The following FMN2 variants were observed in gnomAD, a reference collection of about 807,000 sequenced individuals.
FMN2 encodes the protein formin 2.
In FMN2, 51 loss-of-function variants were observed where a neutral mutation model predicts 142.3. The ratio of observed to expected loss-of-function variants is 0.36; its 90% CI spans 0.29 to 0.45. The LOEUF (loss-of-function observed/expected upper bound fraction) is 0.45, where lower values mean the gene tolerates loss of function less well. Among genes scored for constraint, FMN2 ranks in the 20% least tolerant of loss-of-function variants. FMN2 has a pLI of 1.00. For missense variants in FMN2, 1,936 were observed against 2,122.8 expected (o/e 0.91, Z 1.73); for synonymous variants, 882 against 869.8 (o/e 1.01, Z -0.25).
intron 16 of FMN2, among the ~76,000 whole-genome samples, chr1:240,439,465 A>G (rs186755996): frequency 2.6e-5 from 4 of 152,276 alleles, no homozygotes; most frequent in East Asian, 3.9e-4. Context: ...GGTTACATTT[A>G]TAGAGCCTGT....
At chr1:240,278,112 A>G (rs1229708596) in intron 7 of FMN2, among the ~76,000 whole-genome samples, 1 of 152,210 alleles carries the variant, frequency 6.6e-6, no homozygotes, top group Non-Finnish European at 1.5e-5. Context: ...CACTGTGCAT[A>G]TATTAATGCT....
At chr1:240,373,279 G>T (rs1401019358) in intron 14 of FMN2, among the ~76,000 whole-genome samples, 3 of 152,138 alleles carry the variant, frequency 2.0e-5, no homozygotes, top group African/African-American at 4.8e-5. Context: ...ACAGCTGCTC[G>T]CTGACAGGTC....
At chr1:240,107,752 C>G (rs571241814) in intron 1 of FMN2, among the ~76,000 whole-genome samples, 1 of 151,000 alleles carries the variant, frequency 6.6e-6, no homozygotes, top group South Asian at 2.1e-4. Context: ...CTCTCTTCCC[C>G]AGGAAAAAAA....
At chr1:240,105,404 C>T (rs531735743) in intron 1 of FMN2, among the ~76,000 whole-genome samples, 4 of 152,124 alleles carry the variant, frequency 2.6e-5, no homozygotes, top group East Asian at 1.9e-4. Context: ...CCACTGCACC[C>T]GGCCTCCATA....
At chr1:240,312,484 A>G (rs980010131) in intron 8 of FMN2, among the ~76,000 whole-genome samples, 2 of 152,154 alleles carry the variant, frequency 1.3e-5, no homozygotes, top group Non-Finnish European at 2.9e-5. Context: ...CTCTGATCTG[A>G]TGAAAGTTCT....
At chr1:240,397,584 T>C (rs1341535676) in intron 15 of FMN2, among the ~76,000 whole-genome samples, 3 of 151,902 alleles carry the variant, frequency 2.0e-5, no homozygotes, top group Non-Finnish European at 4.4e-5. Flanking sequence ...GAGACCAGCC[T>C]GGTCAACCAG....
chr1:240,137,382 A>G (rs1662987615), intron 2 of FMN2, among the ~76,000 whole-genome samples: 1 of 152,144 alleles, frequency 6.6e-6, no homozygotes, highest in African/African-American at 2.4e-5. Flanking sequence ...TGTGGTGTAA[A>G]AGCAGCCACG....
In FMN2 at chr1:240,419,348, C is replaced by T. The variant is rs1191450252; in HGVS notation, c.4911-18713C>T. Among the ~76,000 whole-genome samples the T allele has an allele frequency of 2.6e-5, 4 of 152,122 alleles. 1 individual carries two copies. The highest frequency in any genetic ancestry group is 6.8e-3 in the Middle Eastern group (2 of 294). On this transcript the variant is annotated intron_variant, in intron 15 of 17. Transcript: ENST00000319653. ...ATGTTAATATTGGTACATATCAGCT[C>T]TTTTTGGTTCGCATTTGTCATAGCA...
rs538866204 is a variant in FMN2 at position 240,336,880 on chromosome 1, A to AT, written c.4765+2661dup. Among the ~76,000 whole-genome samples the AT allele has an allele frequency of 7.3e-3, 1,083 of 148,760 alleles. 7 individuals carry two copies. The highest frequency in any genetic ancestry group is 0.022 in the African/African-American group (883 of 40,630). On this transcript the variant is annotated intron_variant, in intron 13 of 17. Transcript: ENST00000319653. ...AAACTGACAAATCATAATTTACCTC[A>AT]TTTTTTTTTTGCTTTTCTCAATTTG...
Position 240,329,449 on chromosome 1 carries a change from T to C in FMN2, c.4418T>C (p.Leu1473Ser), listed in dbSNP as rs564436397. ...TGCTCAATTCGTCGCAAACTGGAATTACTACAGAAATTGTGTGAGGTGAGT... is the reference window on the plus strand; with the variant it reads ...TGCTCAATTCGTCGCAAACTGGAATCACTACAGAAATTGTGTGAGGTGAGT... ...SICSIRRKLE[L>S]LQKLCETLKN... The change falls in exon 10 of 18, where the codon TTA becomes TCA. Residue 1473 changes from leucine (L) to serine (S), a missense_variant. Leu to Ser is a moderately radical substitution (Grantham distance 145). This residue lies in a region of FMN2 where 322 missense variants were observed against 401.6 expected (regional missense o/e 0.80). Transcript: ENST00000319653. 4.3e-6 allele frequency: 7 copies of C among 1,614,002 alleles called. No individual in the cohort carries two copies. The African/African-American group carries it at 6.7e-5, about 15-fold the overall frequency.
At chr1:240,125,415 A>C (rs1450986787) in intron 2 of FMN2, among the ~76,000 whole-genome samples, 1 of 152,178 alleles carries the variant, frequency 6.6e-6, no homozygotes, top group Non-Finnish European at 1.5e-5. Flanking sequence ...TATAACTTAA[A>C]TGTTTTCCTC....
intron 11 of FMN2, among the ~76,000 whole-genome samples, chr1:240,331,005 C>T: frequency 6.6e-6 from 1 of 151,964 alleles, no homozygotes; most frequent in East Asian, 1.9e-4. Context: ...TACAAAATAA[C>T]TTTTTATATT....
intron 16 of FMN2, among the ~76,000 whole-genome samples, chr1:240,465,674 C>T (rs1676594780): frequency 6.6e-6 from 1 of 152,078 alleles, no homozygotes; most frequent in South Asian, 2.1e-4. Context: ...GAAATGAAAC[C>T]GTCTGCCACA....
intron 2 of FMN2, chr1:240,170,721 G>C: frequency 6.5e-7 from 1 of 1,540,054 alleles, no homozygotes; most frequent in South Asian, 1.1e-5. Context: ...GTGCTGCTGT[G>C]AACACTGTCA....
At chr1:240,154,760 C>T (rs958691429) in intron 2 of FMN2, 1 of 151,988 alleles carries the variant, frequency 6.6e-6, no homozygotes, top group African/African-American at 2.4e-5. Context: ...AACTCACTAC[C>T]CTTGGACCAA....
rs1178990612 is a variant in FMN2 at position 240,371,371 on chromosome 1, A to G, written c.4858+15463A>G. 2.0e-5 allele frequency among the ~76,000 whole-genome samples: 3 copies of G among 152,292 alleles called. No homozygotes were observed. The East Asian group carries it at 5.8e-4, about 29-fold the overall frequency. On this transcript the variant is annotated intron_variant, in intron 14 of 17. Transcript: ENST00000319653. Reference sequence around the variant, plus strand: ...AGCTTTCCTTCCTTAGGTTCTGGGTACTTGGATATGCTCTGCCATGAAGAA... The same window carrying G: ...AGCTTTCCTTCCTTAGGTTCTGGGTGCTTGGATATGCTCTGCCATGAAGAA...
chr1:240,211,073 T>C lies in FMN2; in HGVS notation c.3921-18T>C, dbSNP rs747971188. 3 of 1,592,900 alleles carry C rather than the reference T, an allele frequency of 1.9e-6. No homozygotes were observed. The highest frequency in any genetic ancestry group is 2.6e-6 in the Non-Finnish European group (3 of 1,173,290). On this transcript the variant is annotated intron_variant, in intron 5 of 17. Coordinates refer to ENST00000319653, the MANE Select transcript of FMN2 (RefSeq NM_020066.5). ...TTCAGTTTGATGGCTGTTTTATTGT[T>C]CTTTTGCTTAATTTTAGAGACTCCA...
At chr1:240,183,503 TGAA>T (rs1330835683) in intron 3 of FMN2, among the ~76,000 whole-genome samples, 1 of 148,648 alleles carries the variant, frequency 6.7e-6, no homozygotes, top group East Asian at 1.9e-4. Context: ...GATAATATAT[TGAA>T]TATTATATAT....
intron 1 of FMN2, among the ~76,000 whole-genome samples, chr1:240,097,266 C>T (rs913339062): frequency 6.6e-6 from 1 of 151,782 alleles, no homozygotes; most frequent in African/African-American, 2.4e-5. Context: ...AGTGTGTGGG[C>T]TGTTGGCTTC....
Sources: allele counts gnomAD v4.1 joint callset (sites outside exome capture counted in the v4.1 genomes callset), GRCh38; gene constraint gnomAD v4.1.1; regional missense constraint gnomAD v4.1.1; transcripts MANE v1.5; gene names NCBI Gene and HGNC (gene_info 2026-07-23, HGNC 2026-07-21).